The following SFMBT2 variants were observed in gnomAD, a reference collection of about 807,000 sequenced individuals.
SFMBT2 encodes Scm like with four mbt domains 2.
A neutral mutation model predicts 110.1 loss-of-function variants in SFMBT2; 38 were observed. The ratio of observed to expected loss-of-function variants is 0.35; its 90% confidence interval spans 0.27 to 0.45. The LOEUF (loss-of-function observed/expected upper bound fraction) is 0.45. Among genes scored for constraint, SFMBT2 ranks in the 20% least tolerant of loss-of-function variants. The pLI, the probability that SFMBT2 is intolerant of heterozygous loss-of-function variation, is 1.00. For missense variants in SFMBT2, 1,011 were observed against 1,094.9 expected, an observed-to-expected ratio of 0.92 and a Z score of 1.08; for synonymous variants, 425 against 425.4, an observed-to-expected ratio of 1.00 and a Z score of 0.01.
chr10:7,399,685 T>C (rs1444806033), intron 1 of SFMBT2, among the ~76,000 whole-genome samples: 1 of 152,236 alleles, frequency 6.6e-6, no homozygotes, highest in Non-Finnish European at 1.5e-5. Flanking sequence ...GCAGGAGGCC[T>C]GCGTCCATAT....
At chr10:7,303,494 A>G (rs1296815345) in intron 4 of SFMBT2, among the ~76,000 whole-genome samples, 2 of 151,532 alleles carry the variant, frequency 1.3e-5, no homozygotes, top group Non-Finnish European at 2.9e-5. Context: ...GACTAAAAAG[A>G]GAGAGAGAGA....
chr10:7,184,279 G>C (rs1486168681), intron 16 of SFMBT2, among the ~76,000 whole-genome samples: 1 of 152,160 alleles, frequency 6.6e-6, no homozygotes, highest in Admixed American at 6.5e-5. Flanking sequence ...CCAGTGGGAG[G>C]TAACTGAATC....
chr10:7,195,169 A>G (rs745962826), intron 15 of SFMBT2, among the ~76,000 whole-genome samples: 11 of 152,246 alleles, frequency 7.2e-5, no homozygotes, highest in Non-Finnish European at 1.5e-4. Flanking sequence ...CAGACGGAAG[A>G]AAGTCAATTC....
intron 9 of SFMBT2, among the ~76,000 whole-genome samples, chr10:7,238,642 T>C (rs1009672479): frequency 1.3e-5 from 2 of 152,218 alleles, no homozygotes; most frequent in Admixed American, 6.5e-5. Context: ...GTCTATTAAA[T>C]GGTCAGCCAA....
At chr10:7,296,155 G>C (rs1250689933) in intron 4 of SFMBT2, among the ~76,000 whole-genome samples, 1 of 152,130 alleles carries the variant, frequency 6.6e-6, no homozygotes, top group African/African-American at 2.4e-5. Flanking sequence ...ATAAAATATG[G>C]AATCTCTCAT....
rs899565798 is a variant in SFMBT2, at chr10:7,391,227, G to A, written c.-51-9278C>T. ...TCACGCCTGTAATCCCAGCACTTTG[G>A]AAGCCCAAGGCGGGTGGATCACGAG... On this transcript the variant is annotated intron_variant, in intron 1 of 20. Transcript: ENST00000397167. 9.9e-5 allele frequency among the ~76,000 whole-genome samples: 15 copies of A among 151,674 alleles called. No homozygotes were observed. The East Asian group carries it at 1.2e-3, about 12-fold the overall frequency.
chr10:7,384,234 A>C (rs1326020301), intron 1 of SFMBT2, among the ~76,000 whole-genome samples: 2 of 150,208 alleles, frequency 1.3e-5, no homozygotes, highest in Non-Finnish European at 3.0e-5. Flanking sequence ...AAAAAAAAAA[A>C]AAAACAACCA....
intron 2 of SFMBT2, among the ~76,000 whole-genome samples, chr10:7,377,967 G>GGC (rs78553669): frequency 0.54 from 66,150 of 122,288 alleles, 20,163 homozygotes; most frequent in East Asian, 0.76. Context: ...GTGTGGGGGG[G>GGC]GGTTGTGTGT....
intron 1 of SFMBT2, chr10:7,409,349 G>A (rs1226712454): frequency 6.6e-6 from 1 of 152,210 alleles, no homozygotes; most frequent in Non-Finnish European, 1.5e-5. Context: ...GCGAGAGCTA[G>A]CTCGTCTCCT....
intron 2 of SFMBT2, among the ~76,000 whole-genome samples, chr10:7,373,013 T>C (rs74367617): frequency 0.032 from 4,815 of 152,306 alleles, 263 homozygotes; most frequent in African/African-American, 0.11. Context: ...CTTGCTATGA[T>C]TTGAATGTCG....
rs1264938570 is a variant in SFMBT2 at position 7,370,331 on chromosome 10, A to G, written c.145T>C (p.Tyr49His). 1.9e-6 allele frequency: 3 copies of G among 1,614,050 alleles called. No individual in the cohort carries two copies. Among genetic ancestry groups the G allele is most frequent in the Non-Finnish European group, 2.5e-6 (3 of 1,179,996 alleles). ...LEETGFNWGE[Y>H]LEETGASAAP... ...GCACTTGCTCCTGTCTCTTCCAAAT[A>G]TTCTCCCCAGTTAAAGCCAGTTTCC... is the stretch of plus-strand genomic sequence containing the variant. Residue 49 changes from tyrosine to histidine, a missense_variant, in exon 3 of 21, where the codon TAT becomes CAT. By Grantham distance (83) the Tyr-to-His change is moderately conservative. Transcript: ENST00000397167.
At chr10:7,241,215 G>A (rs1168531649) in intron 9 of SFMBT2, 3 of 506,816 alleles carry the variant, frequency 5.9e-6, no homozygotes, top group Non-Finnish European at 7.6e-6. Context: ...GTGTGGAACT[G>A]TAAGTCCATT....
chr10:7,278,490 G>A (rs577085637), intron 6 of SFMBT2, among the ~76,000 whole-genome samples: 32 of 152,298 alleles, frequency 2.1e-4, no homozygotes, highest in Non-Finnish European at 3.2e-4. Context: ...GGACGCCAAC[G>A]CAGGATCAGG....
intron 2 of SFMBT2, among the ~76,000 whole-genome samples, chr10:7,372,863 A>G (rs998891039): frequency 2.6e-5 from 4 of 152,198 alleles, no homozygotes; most frequent in Non-Finnish European, 4.4e-5. Flanking sequence ...GTCTGGCCTC[A>G]GCTTGAACCA....
chr10:7,287,229 G>A (rs568351842), intron 4 of SFMBT2: 3 of 152,068 alleles, frequency 2.0e-5, no homozygotes, highest in East Asian at 1.9e-4. Context: ...ACAGGCACCC[G>A]CCACCATGCC....
chr10:7,263,166 G>A (rs573035563), intron 7 of SFMBT2, among the ~76,000 whole-genome samples: 11 of 152,156 alleles, frequency 7.2e-5, no homozygotes, highest in Non-Finnish European at 1.5e-4. Flanking sequence ...CAATGGCACC[G>A]AGATCACAGA....
At chr10:7,318,305 C>T (rs1238699541) in intron 4 of SFMBT2, among the ~76,000 whole-genome samples, 1 of 152,220 alleles carries the variant, frequency 6.6e-6, no homozygotes, top group Non-Finnish European at 1.5e-5. Flanking sequence ...TTGTTCTAAA[C>T]ACCTCCTCCT....
At chr10:7,291,671 G>C (rs914381720) in intron 4 of SFMBT2, among the ~76,000 whole-genome samples, 2 of 152,188 alleles carry the variant, frequency 1.3e-5, no homozygotes, top group Non-Finnish European at 2.9e-5. Context: ...CTGGTGTCCT[G>C]GGCAGACGGG....
chr10:7,232,033 G>A (rs758724019), intron 9 of SFMBT2, among the ~76,000 whole-genome samples: 3 of 152,138 alleles, frequency 2.0e-5, no homozygotes, highest in Non-Finnish European at 2.9e-5. Flanking sequence ...AACAGCAGAG[G>A]GGAGAAGAAA....
Sources: gnomAD v4.1 joint callset for allele counts (sites outside exome capture counted in the v4.1 genomes callset) on GRCh38, gnomAD v4.1.1 for gene constraint, MANE v1.5 for transcripts, NCBI Gene and HGNC (gene_info 2026-07-23, HGNC 2026-07-21) for gene names.